ZFHX4: variants seen among roughly 807,000 people sequenced by gnomAD.
The protein encoded by ZFHX4 is zinc finger homeobox 4.
ZFHX4 carries 56 observed loss-of-function variants against 267.6 expected under a neutral mutation model. The ratio of observed to expected loss-of-function variants is 0.21; its 90% confidence interval spans 0.17 to 0.26. The LOEUF (loss-of-function observed/expected upper bound fraction) is 0.26. Ranked by LOEUF, ZFHX4 falls within the 10% of genes least tolerant of loss-of-function variation. The pLI, the probability that ZFHX4 is intolerant of heterozygous loss-of-function variation, is 1.00. For synonymous variants in ZFHX4, 1,778 were observed against 1,665.6 expected (o/e 1.07, Z -1.64); for missense variants, 4,332 against 4,420.0 (o/e 0.98, Z 0.56).
chr8:76,704,160 G>T lies in ZFHX4; in HGVS notation c.72G>T (p.Thr24=). The T allele has an allele frequency of 1.2e-6, 2 of 1,613,928 alleles. No individual in the cohort carries two copies. The highest frequency in any genetic ancestry group is 8.5e-7 in the Non-Finnish European group (1 of 1,179,878). ...AGAGCACATCAAAGCTATGTGGAAC[G>T]ACACAACTTGATAATGAGGTGCCAG... ...NGQSTSKLCG[T]TQLDNEVPEK... The change falls in exon 2 of 11, where the codon ACG becomes ACT. Residue 24 remains threonine, a synonymous_variant. Transcript: ENST00000651372.
chr8:76,699,885 A>AT (rs1032942651), intron 1 of ZFHX4, among the ~76,000 whole-genome samples: 1 of 151,846 alleles, frequency 6.6e-6, no homozygotes, highest in Admixed American at 6.6e-5. Context: ...ACTTTGATGG[A>AT]TTTTTTTCAT....
chr8:76,782,991 A>G (rs1027953064), intron 4 of ZFHX4, among the ~76,000 whole-genome samples: 1 of 152,008 alleles, frequency 6.6e-6, no homozygotes, highest in Non-Finnish European at 1.5e-5. Flanking sequence ...ATCTTGCTAG[A>G]AGAGGCTAGC....
At chr8:76,768,031 G>A (rs1017546724) in intron 3 of ZFHX4, among the ~76,000 whole-genome samples, 1 of 152,160 alleles carries the variant, frequency 6.6e-6, no homozygotes, top group Non-Finnish European at 1.5e-5. Flanking sequence ...TAACAATTGA[G>A]GAGTCTTTTT....
At position 76,833,413 on chromosome 8, in the gene ZFHX4, G is replaced by C. The variant is rs376787103; in HGVS notation, c.3394+7G>C. On this transcript the variant is annotated splice_region_variant and intron_variant, in intron 5 of 10. Coordinates refer to ENST00000651372, the MANE Select transcript of ZFHX4 (RefSeq NM_024721.5). ...CAGTTGAGATCGACCTCAGGTAATG[G>C]TTCCTACTCCTTCTCAAAATATTTC... 2.2e-4 allele frequency: 347 copies of C among 1,598,148 alleles called. 1 individual carries two copies. The highest frequency in any genetic ancestry group is 4.5e-4 in the Admixed American group (26 of 58,282).
chr8:76,801,214 T>C (rs184124494), intron 4 of ZFHX4, among the ~76,000 whole-genome samples: 31 of 152,282 alleles, frequency 2.0e-4, no homozygotes, highest in Middle Eastern at 6.8e-3. Flanking sequence ...AGTGCATTTG[T>C]CATTTAGAAG....
Position 76,855,297 on chromosome 8 carries a change from G to A in ZFHX4, c.8376G>A (p.Gly2792=). 1 of 1,613,598 alleles carries A rather than the reference G, an allele frequency of 6.2e-7. No homozygotes were observed. Residue 2792 remains glycine (G), a synonymous_variant, in exon 10 of 11, where the codon GGG becomes GGA. Transcript: ENST00000651372. ...TAAATGCCCCTCCTGCTGAGGCTGG[G>A]TATGATCAAAATAAAACCGATTTTG... ...ENLNAPPAEA[G]YDQNKTDFDE...
Position 76,854,721 on chromosome 8 carries a change from A to C in ZFHX4, c.7800A>C (p.Glu2600Asp). The stretch of plus-strand genomic sequence containing the variant: ...AAAAAGAAGGAGGGAATAGCGGTGA[A>C]GACCAACACCGAGATAAACGCTTGA... ...CSEKEGGNSGEDQHRDKRLRT... is the reference protein window; with the variant it reads ...CSEKEGGNSGDDQHRDKRLRT... Residue 2600 changes from glutamate to aspartate, a missense_variant, in exon 10 of 11, where the codon GAA (glutamate) becomes GAC (aspartate). By Grantham distance (45) the Glu-to-Asp change is conservative (BLOSUM62 2). This residue lies in a region of ZFHX4 where 1,648 missense variants were observed against 1,625.0 expected (regional missense o/e 1.01). Coordinates refer to ENST00000651372, the MANE Select transcript of ZFHX4 (RefSeq NM_024721.5). The C allele has an allele frequency of 6.2e-7, 1 of 1,613,472 alleles. No homozygotes were observed. The highest frequency in any genetic ancestry group is 8.5e-7 in the Non-Finnish European group (1 of 1,179,658).
At chr8:76,764,488 A>G (rs1477514589) in intron 3 of ZFHX4, among the ~76,000 whole-genome samples, 2 of 152,202 alleles carry the variant, frequency 1.3e-5, no homozygotes, top group Admixed American at 6.5e-5. Flanking sequence ...CATGCTTACC[A>G]AGGAAAGCCA....
intron 3 of ZFHX4, among the ~76,000 whole-genome samples, chr8:76,744,474 G>T (rs1008445652): frequency 2.0e-5 from 3 of 151,888 alleles, no homozygotes; most frequent in Admixed American, 2.0e-4. Context: ...GTGCAGTGGT[G>T]CAATCTCAGC....
intron 3 of ZFHX4, among the ~76,000 whole-genome samples, chr8:76,746,378 A>C (rs542783617): frequency 2.0e-5 from 3 of 152,326 alleles, no homozygotes; most frequent in African/African-American, 7.2e-5. Flanking sequence ...ACTGTACTCC[A>C]GCCTGGGTGA....
intron 4 of ZFHX4, among the ~76,000 whole-genome samples, chr8:76,821,047 A>G (rs1347197267): frequency 6.6e-6 from 1 of 152,172 alleles, no homozygotes; most frequent in Non-Finnish European, 1.5e-5. Flanking sequence ...ATCCTGCTTC[A>G]GGATGATAAG....
intron 3 of ZFHX4, among the ~76,000 whole-genome samples, chr8:76,728,570 C>G (rs924217522): frequency 2.6e-5 from 4 of 152,094 alleles, no homozygotes; most frequent in Non-Finnish European, 5.9e-5. Context: ...CCATGTTAAT[C>G]AAGAGATGAA....
Position 76,851,011 on chromosome 8 carries a change from A to T in ZFHX4, c.4090A>T (p.Ser1364Cys). The T allele has an allele frequency of 6.2e-7, 1 of 1,613,976 alleles. No homozygotes were observed. The highest frequency in any genetic ancestry group is 1.1e-5 in the South Asian group (1 of 91,082). The change falls in exon 10 of 11, where the codon AGC becomes TGC. Residue 1364 changes from serine (S) to cysteine (C), a missense_variant. Physicochemically the swap from Ser to Cys is moderately radical, Grantham distance 112 (BLOSUM62 -1). Transcript: ENST00000651372. ...GGAAGTCTCAGAATGGAATAAAAAT[A>T]GCAGTAAGGATGTGAAAATCCCCGA... is the stretch of plus-strand genomic sequence containing the variant. Reference protein sequence around the residue: ...PLEVSEWNKNSSKDVKIPDTL... With the variant: ...PLEVSEWNKNCSKDVKIPDTL...
At chr8:76,808,688 C>T (rs570936795) in intron 4 of ZFHX4, among the ~76,000 whole-genome samples, 15 of 152,228 alleles carry the variant, frequency 9.9e-5, no homozygotes, top group African/African-American at 2.9e-4. Context: ...CCTTTCTACA[C>T]GAATTGTTAG....
At chr8:76,803,300 G>T (rs1047336189) in intron 4 of ZFHX4, among the ~76,000 whole-genome samples, 32 of 151,930 alleles carry the variant, frequency 2.1e-4, no homozygotes, top group Non-Finnish European at 4.3e-4. Flanking sequence ...ACCGAAAGAA[G>T]AGGGTAAGGT....
chr8:76,784,788 T>A (rs1246410854), intron 4 of ZFHX4, among the ~76,000 whole-genome samples: 1 of 152,122 alleles, frequency 6.6e-6, no homozygotes, highest in African/African-American at 2.4e-5. Flanking sequence ...GAATTTTTAT[T>A]ATGTTTAAAT....
rs1442063884 is a variant in ZFHX4 at position 76,706,361 on chromosome 8, C to A, written c.2273C>A (p.Pro758Gln). 6.2e-7 allele frequency: 1 copy of A among 1,614,028 alleles called. No homozygotes were observed. Among genetic ancestry groups the A allele is most frequent in the African/African-American group, 1.3e-5 (1 of 75,048 alleles). The stretch of plus-strand genomic sequence containing the variant: ...CTCAGTGGCTGCGGAACACCCTCTC[C>A]GTCCAAACCCAAACAGAAACCCACC... The part of the protein sequence containing the change: ...TSLSGCGTPS[P>Q]SKPKQKPTWR... Residue 758 changes from proline to glutamine, a missense_variant, in exon 2 of 11, where the codon CCG becomes CAG. Transcript: ENST00000651372.
At chr8:76,746,078 C>T (rs1809452473) in intron 3 of ZFHX4, among the ~76,000 whole-genome samples, 1 of 152,034 alleles carries the variant, frequency 6.6e-6, no homozygotes, top group Non-Finnish European at 1.5e-5. Context: ...GGCTGTAATC[C>T]AATTAACGTT....
chr8:76,829,897 G>A (rs1811889004), intron 4 of ZFHX4, among the ~76,000 whole-genome samples: 1 of 152,066 alleles, frequency 6.6e-6, no homozygotes, highest in Non-Finnish European at 1.5e-5. Context: ...TAAAGAAATA[G>A]GTGATTAGCA....
Sources: gnomAD v4.1 joint callset for allele counts (sites outside exome capture counted in the v4.1 genomes callset) on GRCh38, gnomAD v4.1.1 for gene constraint, gnomAD v4.1.1 regional missense constraint, MANE v1.5 for transcripts, NCBI Gene and HGNC (gene_info 2026-07-23, HGNC 2026-07-21) for gene names.